The following GALNT13 variants were observed in gnomAD, a reference collection of about 807,000 sequenced individuals.
GALNT13 encodes UDP-GalNAc:polypeptide N-acetylgalactosaminyltransferase 13.
Under a neutral mutation model 64.2 loss-of-function variants are expected in GALNT13, and 28 were observed. The ratio of observed to expected loss-of-function variants is 0.44; its 90% CI spans 0.32 to 0.60. GALNT13 has a LOEUF of 0.60. Ranked by LOEUF, GALNT13 falls within the 20% of genes least tolerant of loss-of-function variation. The pLI is 0.05. For synonymous variants in GALNT13, 214 were observed against 224.6 expected (o/e 0.95, Z 0.42); for missense variants, 577 against 669.8 (o/e 0.86, Z 1.53).
At chr2:154,120,364 C>T (rs1681871247) in intron 3 of GALNT13, among the ~76,000 whole-genome samples, 1 of 152,178 alleles carries the variant, frequency 6.6e-6, no homozygotes, top group Non-Finnish European at 1.5e-5. Flanking sequence ...GGGCTGCAGG[C>T]TGGGCTTTGA....
At chr2:154,170,162 A>G (rs1685272349) in intron 4 of GALNT13, among the ~76,000 whole-genome samples, 1 of 152,050 alleles carries the variant, frequency 6.6e-6, no homozygotes, top group Admixed American at 6.6e-5. Context: ...AAGAAAGATT[A>G]TTTGCCTTTT....
chr2:154,023,048 G>T (rs892394837), intron 3 of GALNT13, among the ~76,000 whole-genome samples: 1 of 152,186 alleles, frequency 6.6e-6, no homozygotes, highest in Non-Finnish European at 1.5e-5. Context: ...AGATTGCACT[G>T]TGGTCTGAGA....
intron 3 of GALNT13, among the ~76,000 whole-genome samples, chr2:154,129,253 A>G (rs865985885): frequency 1.7e-4 from 26 of 152,336 alleles, no homozygotes; most frequent in African/African-American, 5.3e-4. Context: ...TTAGCAAACC[A>G]TATTCTATGA....
chr2:153,937,709 G>A (rs934798581), intron 2 of GALNT13, among the ~76,000 whole-genome samples: 4 of 152,196 alleles, frequency 2.6e-5, no homozygotes, highest in Non-Finnish European at 4.4e-5. Flanking sequence ...AGTTGTAGTG[G>A]TGGAATTGGT....
rs182104231 is a variant in GALNT13, at chr2:154,381,099, C to T, written c.1157-14892C>T. 6.2e-4 allele frequency among the ~76,000 whole-genome samples: 94 copies of T among 152,116 alleles called. 1 individual carries two copies. In the East Asian group the frequency reaches 8.7e-3, roughly 14 times the overall value. On this transcript the variant is annotated intron_variant, in intron 9 of 12. Transcript: ENST00000392825. Reference sequence around the variant, plus strand: ...GATTAGAAGCAAGTCATAGGTTCTACCTACACTCAAGGGCAAGGGGTCACA... The same window carrying T: ...GATTAGAAGCAAGTCATAGGTTCTATCTACACTCAAGGGCAAGGGGTCACA...
chr2:154,211,902 AG>A (rs1168025544), intron 4 of GALNT13, among the ~76,000 whole-genome samples: 1 of 152,114 alleles, frequency 6.6e-6, no homozygotes, highest in African/African-American at 2.4e-5. Context: ...AAAACAAAAA[AG>A]TAAACTAAGA....
At chr2:153,506,977 C>T in the GALNT13 span, among the ~76,000 whole-genome samples, 1 of 151,914 alleles carries the variant, frequency 6.6e-6, no homozygotes, top group Non-Finnish European at 1.5e-5. Context: ...GAACATCAAT[C>T]ATTCTTAGGT....
the GALNT13 span, among the ~76,000 whole-genome samples, chr2:153,551,625 G>A: frequency 6.6e-6 from 1 of 152,166 alleles, no homozygotes; most frequent in African/African-American, 2.4e-5. Context: ...GTGAGAATAG[G>A]AGAGCAATAA....
intron 9 of GALNT13, among the ~76,000 whole-genome samples, chr2:154,360,129 A>C (rs556735197): frequency 6.6e-6 from 1 of 152,152 alleles, no homozygotes; most frequent in Non-Finnish European, 1.5e-5. Context: ...ACAGTATTAC[A>C]CTGACTGCTT....
At chr2:153,407,106 T>G in the GALNT13 span, among the ~76,000 whole-genome samples, 1 of 152,156 alleles carries the variant, frequency 6.6e-6, no homozygotes, top group Non-Finnish European at 1.5e-5. Context: ...TCATTTCCAT[T>G]TCTAGTTTTT....
intron 9 of GALNT13, among the ~76,000 whole-genome samples, chr2:154,307,688 T>A (rs1693814259): frequency 6.6e-6 from 1 of 152,178 alleles, no homozygotes; most frequent in Non-Finnish European, 1.5e-5. Flanking sequence ...TCAAATACTA[T>A]AGCATCATTG....
chr2:153,439,802 A>G, the GALNT13 span, among the ~76,000 whole-genome samples: 1 of 152,182 alleles, frequency 6.6e-6, no homozygotes, highest in Non-Finnish European at 1.5e-5. Flanking sequence ...TTCGGCTCAC[A>G]CATGGTGCAC....
At chr2:153,374,758 A>G in the GALNT13 span, among the ~76,000 whole-genome samples, 1 of 152,132 alleles carries the variant, frequency 6.6e-6, no homozygotes, top group Admixed American at 6.6e-5. Context: ...TCCTCCCTCC[A>G]TCCCTGGAGA....
the GALNT13 span, among the ~76,000 whole-genome samples, chr2:153,853,509 G>A: frequency 6.6e-6 from 1 of 151,978 alleles, no homozygotes; most frequent in Non-Finnish European, 1.5e-5. Context: ...GTATGGATTA[G>A]ATAGCTAGCT....
chr2:153,728,874 A>G, the GALNT13 span, among the ~76,000 whole-genome samples: 8 of 152,242 alleles, frequency 5.3e-5, no homozygotes, highest in African/African-American at 1.9e-4. Flanking sequence ...ATGCAAGTAA[A>G]CTAGAAAATC....
chr2:154,201,909 C>T (rs1687192297), intron 4 of GALNT13, among the ~76,000 whole-genome samples: 1 of 152,120 alleles, frequency 6.6e-6, no homozygotes. Context: ...TTTGATTCTT[C>T]CTTGATGCTT....
chr2:153,850,255 C>T, the GALNT13 span, among the ~76,000 whole-genome samples: 1 of 151,938 alleles, frequency 6.6e-6, no homozygotes, highest in Non-Finnish European at 1.5e-5. Flanking sequence ...ACACTTGGCA[C>T]TCACACCAGT....
At chr2:153,267,048 G>C in the GALNT13 span, among the ~76,000 whole-genome samples, 2 of 152,188 alleles carry the variant, frequency 1.3e-5, no homozygotes, top group Non-Finnish European at 2.9e-5. Flanking sequence ...AAAACAAAGG[G>C]GCCACAGGCC....
intron 3 of GALNT13, among the ~76,000 whole-genome samples, chr2:154,071,918 A>G (rs1374957193): frequency 6.6e-6 from 1 of 152,222 alleles, no homozygotes; most frequent in Non-Finnish European, 1.5e-5. Context: ...CAAGAAGACT[A>G]TGATGTGCCT....
Sources: allele counts gnomAD v4.1 joint callset (sites outside exome capture counted in the v4.1 genomes callset), GRCh38; gene constraint gnomAD v4.1.1; transcripts MANE v1.5; gene names NCBI Gene and HGNC (gene_info 2026-07-23, HGNC 2026-07-21).